RORA: variants seen among roughly 807,000 people sequenced by gnomAD.
RORA encodes nuclear receptor ROR-alpha.
A neutral mutation model predicts 69.5 loss-of-function variants in RORA; 7 were observed. The observed-to-expected ratio is 0.10, with a 90% CI of 0.06 to 0.19. The LOEUF is 0.19. Ranked by LOEUF, RORA falls within the 10% of genes least tolerant of loss-of-function variation. RORA has a pLI of 1.00. For synonymous variants in RORA, 261 were observed against 240.8 expected, an observed-to-expected ratio of 1.08 and a Z score of -0.78; for missense variants, 457 against 663.0, an observed-to-expected ratio of 0.69 and a Z score of 3.41.
intron 2 of RORA, among the ~76,000 whole-genome samples, chr15:60,651,927 C>G (rs1355302573): frequency 6.6e-6 from 1 of 152,186 alleles, no homozygotes; most frequent in Non-Finnish European, 1.5e-5. Context: ...CTGTCAATAG[C>G]TGGATGTGAG....
chr15:61,014,364 G>A (rs755958874), intron 1 of RORA, among the ~76,000 whole-genome samples: 4 of 152,330 alleles, frequency 2.6e-5, no homozygotes, highest in Non-Finnish European at 2.9e-5. Context: ...GCTTCCTCAT[G>A]TCCTTGACAG....
At chr15:61,164,807 G>T (rs1555416281) in intron 1 of RORA, among the ~76,000 whole-genome samples, 1 of 152,176 alleles carries the variant, frequency 6.6e-6, no homozygotes, top group Non-Finnish European at 1.5e-5. Flanking sequence ...GAAAAATTAA[G>T]AGAGGTATGG....
At chr15:60,684,582 A>G (rs1596124293) in intron 1 of RORA, among the ~76,000 whole-genome samples, 1 of 152,128 alleles carries the variant, frequency 6.6e-6, no homozygotes, top group African/African-American at 2.4e-5. Context: ...ACGCCACTGC[A>G]CTCCAGCCTG....
At chr15:60,708,191 C>T (rs931823266) in intron 1 of RORA, among the ~76,000 whole-genome samples, 5 of 152,210 alleles carry the variant, frequency 3.3e-5, no homozygotes, top group African/African-American at 1.2e-4. Context: ...CTAGGACTCT[C>T]CTAGGTACCT....
intron 1 of RORA, among the ~76,000 whole-genome samples, chr15:61,134,984 A>G (rs1339556424): frequency 1.3e-5 from 2 of 152,016 alleles, no homozygotes; most frequent in Non-Finnish European, 1.5e-5. Context: ...ATTTCAAGCA[A>G]ACCCCTGTCC....
intron 4 of RORA, among the ~76,000 whole-genome samples, chr15:60,513,301 A>T (rs1289951182): frequency 1.3e-5 from 2 of 152,170 alleles, no homozygotes; most frequent in Admixed American, 1.3e-4. Flanking sequence ...GCCTACAACA[A>T]CTTGTGCTAT....
At position 61,061,409 on chromosome 15, in the gene RORA, C is replaced by T. The variant is rs535809886; in HGVS notation, c.166+167644G>A. On this transcript the variant is annotated intron_variant, in intron 1 of 10. Coordinates refer to ENST00000335670, the MANE Select transcript of RORA (RefSeq NM_134261.3). The surrounding 1 kb of genome is among the most constrained non-coding windows in gnomAD (Gnocchi z 4.4). ...AATAAATAAATAAATACAAGGGCAT[C>T]GCAGGAAGTCCTGATGTCAAGGTAA... is the stretch of plus-strand genomic sequence containing the variant. Among the ~76,000 whole-genome samples, 3 of 137,040 alleles carry T rather than the reference C, an allele frequency of 2.2e-5. No homozygotes were observed. The highest frequency in any genetic ancestry group is 4.8e-4 in the South Asian group (2 of 4,192). The allele number at this position is 137,040 out of a possible 152,430, so 89.9% of individuals were successfully genotyped here.
intron 2 of RORA, among the ~76,000 whole-genome samples, chr15:60,673,150 G>GA (rs1393816131): frequency 1.3e-5 from 2 of 152,168 alleles, no homozygotes; most frequent in Non-Finnish European, 2.9e-5. Flanking sequence ...TGCAATTCAT[G>GA]AACCTCAAGT....
At chr15:60,808,979 C>T (rs1438835365) in intron 1 of RORA, among the ~76,000 whole-genome samples, 1 of 151,970 alleles carries the variant, frequency 6.6e-6, no homozygotes, top group Non-Finnish European at 1.5e-5. Flanking sequence ...TATGAGGACA[C>T]AAAGGCATAA....
intron 1 of RORA, among the ~76,000 whole-genome samples, chr15:61,112,052 G>A (rs1327515603): frequency 6.6e-6 from 1 of 152,168 alleles, no homozygotes; most frequent in East Asian, 1.9e-4. Context: ...TGGGAATAAC[G>A]TAAACTCCAC....
intron 1 of RORA, among the ~76,000 whole-genome samples, chr15:60,908,887 T>TA (rs956695944): frequency 6.6e-6 from 1 of 152,142 alleles, no homozygotes; most frequent in African/African-American, 2.4e-5. Context: ...ATTTTTTTTT[T>TA]TTATTAAAGA....
At chr15:60,683,865 C>T (rs2070696990) in intron 1 of RORA, among the ~76,000 whole-genome samples, 1 of 152,154 alleles carries the variant, frequency 6.6e-6, no homozygotes, top group Non-Finnish European at 1.5e-5. Context: ...ACTGGCCATG[C>T]TTCAAAGTAA....
intron 1 of RORA, among the ~76,000 whole-genome samples, chr15:61,137,319 C>G (rs185474451): frequency 2.0e-5 from 3 of 152,336 alleles, no homozygotes; most frequent in Non-Finnish European, 4.4e-5. Context: ...TCAGCAACAG[C>G]AGTTATAGCT....
chr15:60,537,366 T>A lies in RORA; in HGVS notation c.197-5515A>T, dbSNP rs988879277. Among the ~76,000 whole-genome samples the A allele has an allele frequency of 6.6e-6, 1 of 152,198 alleles. No individual in the cohort carries two copies. The highest frequency in any genetic ancestry group is 2.4e-5 in the African/African-American group (1 of 41,440). The stretch of plus-strand genomic sequence containing the variant: ...TTGCTGCAGAGTGACTGCAACAGCC[T>A]GGAGAGAGGAAACCTTTCTTCAATC... On this transcript the variant is annotated intron_variant, in intron 2 of 10. Coordinates refer to ENST00000335670, the MANE Select transcript of RORA (RefSeq NM_134261.3). This position sits in a 1 kb window ranked among gnomAD's most constrained non-coding sequence, Gnocchi z 4.9.
intron 1 of RORA, among the ~76,000 whole-genome samples, chr15:61,194,866 G>C (rs2079832885): frequency 6.6e-6 from 1 of 151,886 alleles, no homozygotes; most frequent in South Asian, 2.1e-4. Flanking sequence ...TTCTAAGCTG[G>C]CGTTTTCACC....
chr15:60,842,043 C>A (rs934299063), intron 1 of RORA, among the ~76,000 whole-genome samples: 1 of 152,032 alleles, frequency 6.6e-6, no homozygotes, highest in African/African-American at 2.4e-5. Context: ...CAAAACATAT[C>A]TTTGACCCCT....
At chr15:60,712,576 A>T (rs535981344) in intron 1 of RORA, among the ~76,000 whole-genome samples, 2 of 152,228 alleles carry the variant, frequency 1.3e-5, no homozygotes, top group Non-Finnish European at 2.9e-5. Flanking sequence ...TAACTTCTGC[A>T]GTCATCTGCG....
chr15:60,943,521 A>G (rs1263300231), intron 1 of RORA, among the ~76,000 whole-genome samples: 1 of 152,112 alleles, frequency 6.6e-6, no homozygotes, highest in African/African-American at 2.4e-5. Context: ...GGACTGTACT[A>G]ATGAGCATAA....
At chr15:60,627,859 TTTA>T (rs1409759416) in intron 2 of RORA, among the ~76,000 whole-genome samples, 1 of 152,216 alleles carries the variant, frequency 6.6e-6, no homozygotes, top group Non-Finnish European at 1.5e-5. Flanking sequence ...GGCATACATT[TTTA>T]TTGTTACCCT....
Sources: gnomAD v4.1 joint callset for allele counts (sites outside exome capture counted in the v4.1 genomes callset) on GRCh38, gnomAD v4.1.1 for gene constraint, Gnocchi (gnomAD v3.1) non-coding constraint, MANE v1.5 for transcripts, NCBI Gene and HGNC (gene_info 2026-07-23, HGNC 2026-07-21) for gene names.